Variants in ELMO1 observed in about 807,000 individuals in gnomAD.
ELMO1 encodes the protein engulfment and cell motility 1, also known as engulfment and cell motility protein 1.
A neutral mutation model predicts 98.9 loss-of-function variants in ELMO1; 26 were observed. The observed-to-expected ratio is 0.26, with a 90% CI of 0.19 to 0.36. The LOEUF (loss-of-function observed/expected upper bound fraction) is 0.36. Ranked by LOEUF, ELMO1 falls within the 10% of genes least tolerant of loss-of-function variation. The probability of loss-of-function intolerance (pLI) is 1.00; values close to 1 mark genes in which losing one functional copy is unlikely to be tolerated. For missense variants in ELMO1, 627 were observed against 935.2 expected (o/e 0.67, Z 4.30); for synonymous variants, 346 against 346.0 (o/e 1.00, Z 0.00).
At chr7:37,157,676 C>T (rs186233531) in intron 13 of ELMO1, among the ~76,000 whole-genome samples, 76 of 152,242 alleles carry the variant, frequency 5.0e-4, no homozygotes, top group Non-Finnish European at 8.4e-4. Context: ...AATGGAAGAA[C>T]ATTCCATGCT....
intron 16 of ELMO1, among the ~76,000 whole-genome samples, chr7:36,953,836 G>GTT (rs1000254663): frequency 5.4e-5 from 7 of 129,700 alleles, no homozygotes; most frequent in Admixed American, 8.3e-5. Context: ...GTATGGGTAT[G>GTT]TTTTGTGTGT....
At chr7:37,447,024 T>C (rs1010986659) in intron 1 of ELMO1, among the ~76,000 whole-genome samples, 3 of 152,162 alleles carry the variant, frequency 2.0e-5, no homozygotes, top group Non-Finnish European at 4.4e-5. Flanking sequence ...CTGTAAATTA[T>C]GGGACATTAA....
At chr7:37,124,190 C>CA (rs1453457788) in intron 14 of ELMO1, among the ~76,000 whole-genome samples, 4 of 152,106 alleles carry the variant, frequency 2.6e-5, no homozygotes, top group Admixed American at 6.5e-5. Flanking sequence ...ACTGAATGGG[C>CA]AAAAACTGGA....
intron 1 of ELMO1, among the ~76,000 whole-genome samples, chr7:37,380,287 T>C (rs1802531336): frequency 1.3e-5 from 2 of 152,262 alleles, no homozygotes; most frequent in South Asian, 4.1e-4. Flanking sequence ...CTTATTCATT[T>C]TGTGTCTTCC....
intron 15 of ELMO1, among the ~76,000 whole-genome samples, chr7:37,091,605 C>G (rs775772334): frequency 9.9e-5 from 15 of 152,122 alleles, no homozygotes; most frequent in Non-Finnish European, 2.1e-4. Flanking sequence ...CTCACTGACC[C>G]TGCACACACA....
chr7:37,328,540 C>A lies in ELMO1; in HGVS notation c.79-12580G>T, dbSNP rs57975247. 5.1e-3 allele frequency among the ~76,000 whole-genome samples: 774 copies of A among 152,174 alleles called. 6 individuals are homozygous for A. The highest frequency in any genetic ancestry group is 0.018 in the African/African-American group (729 of 41,498). ...TCTACCAAGTCCTCAAAACCATGAACGACAAGCCCAGGTGCTCAGCGCTAA... is the reference window on the plus strand; with the variant it reads ...TCTACCAAGTCCTCAAAACCATGAAAGACAAGCCCAGGTGCTCAGCGCTAA... On this transcript the variant is annotated intron_variant, in intron 2 of 21. Transcript: ENST00000310758.
At chr7:37,269,284 C>A (rs918644013) in intron 5 of ELMO1, among the ~76,000 whole-genome samples, 2 of 152,154 alleles carry the variant, frequency 1.3e-5, no homozygotes, top group Non-Finnish European at 2.9e-5. Context: ...AATGCAGATT[C>A]CTGGGGCCTA....
At chr7:36,919,487 C>G (rs567670685) in intron 16 of ELMO1, 53 of 470,982 alleles carry the variant, frequency 1.1e-4, no homozygotes, top group African/African-American at 8.4e-4. Context: ...GATTTGAAAC[C>G]TGGTTCTCTC....
intron 20 of ELMO1, among the ~76,000 whole-genome samples, chr7:36,865,883 G>C (rs757768346): frequency 6.6e-6 from 1 of 152,234 alleles, no homozygotes; most frequent in East Asian, 1.9e-4. Context: ...TGAATGAATG[G>C]ATGATGAATG....
chr7:37,110,752 GC>G (rs1244787332), intron 14 of ELMO1, among the ~76,000 whole-genome samples: 6 of 152,038 alleles, frequency 3.9e-5, no homozygotes, highest in Non-Finnish European at 7.4e-5. Context: ...GGGCTATGGG[GC>G]CCCCCAGACT....
At chr7:37,158,562 A>G (rs184031384) in intron 13 of ELMO1, among the ~76,000 whole-genome samples, 122 of 152,376 alleles carry the variant, frequency 8.0e-4, no homozygotes, top group Non-Finnish European at 1.5e-3. Context: ...TATGCTCATC[A>G]TCACTGACCA....
intron 14 of ELMO1, among the ~76,000 whole-genome samples, chr7:37,102,384 G>A (rs1160724015): frequency 6.6e-6 from 1 of 152,162 alleles, no homozygotes; most frequent in Non-Finnish European, 1.5e-5. Flanking sequence ...AGCCCTAATA[G>A]GATGGTTTTA....
intron 14 of ELMO1, among the ~76,000 whole-genome samples, chr7:37,108,455 G>C (rs1269124617): frequency 6.6e-6 from 1 of 152,192 alleles, no homozygotes; most frequent in African/African-American, 2.4e-5. Flanking sequence ...ACAAGCCTTT[G>C]AAGTGTGGGC....
intron 14 of ELMO1, among the ~76,000 whole-genome samples, chr7:37,109,666 G>A (rs778084550): frequency 2.0e-5 from 3 of 152,042 alleles, no homozygotes; most frequent in Middle Eastern, 3.2e-3. Context: ...AGGTGATGAC[G>A]CCCCCTAATA....
intron 14 of ELMO1, among the ~76,000 whole-genome samples, chr7:37,101,797 T>C (rs1011778379): frequency 3.3e-5 from 5 of 151,924 alleles, no homozygotes; most frequent in African/African-American, 2.4e-5. Context: ...GGAGTCTGTC[T>C]GGCTCTCTCT....
Position 37,244,822 on chromosome 7 carries a change from C to G in ELMO1, c.414-431G>C, listed in dbSNP as rs182538111. On this transcript the variant is annotated intron_variant, in intron 6 of 21. Transcript: ENST00000310758. ...GTAGAATGTCCACTAATTTTACTTT[C>G]TCTTTTCTCTCTCAGGTGGCTTCTT... Among the ~76,000 whole-genome samples, 78 of 152,284 alleles carry G rather than the reference C, an allele frequency of 5.1e-4. 1 individual carries two copies. Among genetic ancestry groups the G allele is most frequent in the Admixed American group, 1.6e-3 (24 of 15,284 alleles).
chr7:37,430,967 G>A (rs1022695925), intron 1 of ELMO1, among the ~76,000 whole-genome samples: 1 of 152,184 alleles, frequency 6.6e-6, no homozygotes, highest in East Asian at 1.9e-4. Flanking sequence ...CTCGCAACAG[G>A]CACAAAGCCT....
At chr7:37,154,345 G>A (rs1203910763) in intron 13 of ELMO1, among the ~76,000 whole-genome samples, 2 of 152,124 alleles carry the variant, frequency 1.3e-5, no homozygotes, top group East Asian at 3.9e-4. Flanking sequence ...GGCTTCAGAA[G>A]GTCGGTAATA....
At position 37,018,340 on chromosome 7, in the gene ELMO1, G is replaced by A. The variant is rs552556621; in HGVS notation, c.1301-4905C>T. On this transcript the variant is annotated intron_variant, in intron 15 of 21. Transcript: ENST00000310758. ...AGGGTTTCTCCATGCTGGTCAGGCT[G>A]GTCTTGAACTCCTGACCTCAGGTGA... 2.6e-5 allele frequency among the ~76,000 whole-genome samples: 4 copies of A among 152,016 alleles called. 1 individual carries two copies. The East Asian group carries it at 5.8e-4, about 22-fold the overall frequency.
Sources: allele counts gnomAD v4.1 joint callset (sites outside exome capture counted in the v4.1 genomes callset), GRCh38; gene constraint gnomAD v4.1.1; transcripts MANE v1.5; gene names NCBI Gene and HGNC (gene_info 2026-07-23, HGNC 2026-07-21).